The following DNM1L variants were observed in gnomAD, a reference collection of about 807,000 sequenced individuals.
DNM1L encodes dynamin-1-like protein.
Under a neutral mutation model 92.8 loss-of-function variants are expected in DNM1L, and 33 were observed. The ratio of observed to expected loss-of-function variants is 0.36; its 90% CI spans 0.27 to 0.48. DNM1L has a LOEUF of 0.48. Among genes scored for constraint, DNM1L ranks in the 20% least tolerant of loss-of-function variants. The probability of loss-of-function intolerance (pLI) is 0.99; values close to 1 mark genes in which losing one functional copy is unlikely to be tolerated. For missense variants in DNM1L, 485 were observed against 888.8 expected (o/e 0.55, Z 5.78); for synonymous variants, 284 against 305.0 (o/e 0.93, Z 0.72).
intron 9 of DNM1L, among the ~76,000 whole-genome samples, chr12:32,724,667 A>T (rs971244682): frequency 1.4e-5 from 2 of 140,856 alleles, no homozygotes; most frequent in African/African-American, 5.2e-5. Flanking sequence ...TATATATAAA[A>T]AATAATAATA....
intron 9 of DNM1L, chr12:32,727,615 C>G: frequency 4.6e-6 from 2 of 432,212 alleles, no homozygotes; most frequent in East Asian, 4.0e-5. Context: ...GCATCTACAA[C>G]ACATAGATGC....
chr12:32,679,344 G>T lies in DNM1L; in HGVS notation c.-20G>T. 6.3e-7 allele frequency: 1 copy of T among 1,594,544 alleles called. No individual in the cohort carries two copies. The highest frequency in any genetic ancestry group is 8.6e-7 in the Non-Finnish European group (1 of 1,164,092). ...CATTGCCGTGGCCGGCGGGCACTGG[G>T]GCCCCGTGTTTTCAGAGTCATGGAG... On this transcript the variant is annotated 5_prime_UTR_variant, in exon 1 of 20. Coordinates refer to ENST00000549701, the MANE Select transcript of DNM1L (RefSeq NM_012062.5).
intron 9 of DNM1L, among the ~76,000 whole-genome samples, chr12:32,729,531 T>C (rs1420569392): frequency 6.6e-6 from 1 of 152,034 alleles, no homozygotes; most frequent in Non-Finnish European, 1.5e-5. Flanking sequence ...TTTGGGCCAG[T>C]CTCTGCCTCC....
chr12:32,697,609 G>A (rs1475527497), intron 1 of DNM1L, among the ~76,000 whole-genome samples: 3 of 152,140 alleles, frequency 2.0e-5, no homozygotes, highest in Non-Finnish European at 4.4e-5. Flanking sequence ...CACAGCTCTT[G>A]GTGTGGAAGA....
intron 6 of DNM1L, among the ~76,000 whole-genome samples, chr12:32,716,053 T>C (rs1043180503): frequency 1.3e-5 from 2 of 152,170 alleles, no homozygotes; most frequent in Non-Finnish European, 2.9e-5. Context: ...AATGGGACAC[T>C]ACTCTGCAAT....
At chr12:32,714,042 A>G (rs1000824450) in intron 6 of DNM1L, among the ~76,000 whole-genome samples, 7 of 152,158 alleles carry the variant, frequency 4.6e-5, no homozygotes, top group African/African-American at 1.7e-4. Context: ...CATAGTATAT[A>G]TAAAATGCTA....
At chr12:32,736,777 G>A (rs1263943849) in intron 13 of DNM1L, among the ~76,000 whole-genome samples, 15 of 152,156 alleles carry the variant, frequency 9.9e-5, no homozygotes, top group Admixed American at 8.5e-4. Flanking sequence ...TTTATGTGAG[G>A]ACAGTTTACA....
At chr12:32,709,533 T>C (rs1953046678) in intron 4 of DNM1L, 1 of 152,190 alleles carries the variant, frequency 6.6e-6, no homozygotes, top group Non-Finnish European at 1.5e-5. Flanking sequence ...CTAGCAGCTT[T>C]TCATCCACAG....
At chr12:32,706,903 T>G (rs1952949159) in intron 2 of DNM1L, 2 of 297,362 alleles carry the variant, frequency 6.7e-6, no homozygotes, top group South Asian at 6.4e-5. Flanking sequence ...GAGTCATATG[T>G]GTACATCTGT....
At chr12:32,698,210 T>C (rs1952551145) in intron 1 of DNM1L, among the ~76,000 whole-genome samples, 1 of 152,208 alleles carries the variant, frequency 6.6e-6, no homozygotes, top group Non-Finnish European at 1.5e-5. Context: ...CATTTGTGTT[T>C]TCCATCATAG....
At position 32,679,355 on chromosome 12, in the gene DNM1L, T is replaced by G. The variant is rs760304487; in HGVS notation, c.-9T>G. 1 of 1,610,312 alleles carries G rather than the reference T, an allele frequency of 6.2e-7. No individual in the cohort carries two copies. The highest frequency in any genetic ancestry group is 1.1e-5 in the South Asian group (1 of 90,836). ...CCGGCGGGCACTGGGGCCCCGTGTT[T>G]TCAGAGTCATGGAGGCGCTAATTCC... On this transcript the variant is annotated 5_prime_UTR_variant, in exon 1 of 20. Coordinates refer to ENST00000549701, the MANE Select transcript of DNM1L (RefSeq NM_012062.5).
chr12:32,737,056 T>C lies in DNM1L; in HGVS notation c.1540-49T>C, dbSNP rs1565540387. Reference sequence around the variant, plus strand: ...TAACATGAACATTTTTTAGTAGGCATATATCTCAATACTTGGATAATCACT... The same window carrying C: ...TAACATGAACATTTTTTAGTAGGCACATATCTCAATACTTGGATAATCACT... On this transcript the variant is annotated intron_variant, in intron 13 of 19. Coordinates refer to ENST00000549701, the MANE Select transcript of DNM1L (RefSeq NM_012062.5). 5 of 1,602,288 alleles carry C rather than the reference T, an allele frequency of 3.1e-6. No homozygotes were observed. The Admixed American group carries it at 5.0e-5, about 16-fold the overall frequency.
chr12:32,710,625 A>G (rs1400286290), intron 4 of DNM1L, among the ~76,000 whole-genome samples: 1 of 151,944 alleles, frequency 6.6e-6, no homozygotes, highest in Non-Finnish European at 1.5e-5. Context: ...TCTCAAAAAA[A>G]AAAAAAAAAG....
chr12:32,681,691 A>G (rs547281790), intron 1 of DNM1L, among the ~76,000 whole-genome samples: 26 of 148,966 alleles, frequency 1.7e-4, no homozygotes, highest in African/African-American at 5.2e-4. Flanking sequence ...GATGTCTGCC[A>G]TTTTTACTCT....
intron 1 of DNM1L, among the ~76,000 whole-genome samples, chr12:32,689,074 T>TA (rs1952133313): frequency 1.3e-5 from 2 of 152,156 alleles, no homozygotes; most frequent in South Asian, 4.1e-4. Flanking sequence ...CCTGGTCTCT[T>TA]AAGAACAAAA....
At chr12:32,732,088 G>A (rs1163773738) in intron 12 of DNM1L, 145 bp downstream of exon 12, 1 of 658,540 alleles carries the variant, frequency 1.5e-6, no homozygotes, top group Non-Finnish European at 2.6e-6. Context: ...AACAAGTTGA[G>A]TTTCAGTCTC....
chr12:32,707,662 C>T (rs1360331124), intron 3 of DNM1L, among the ~76,000 whole-genome samples: 14 of 151,980 alleles, frequency 9.2e-5, no homozygotes, highest in Admixed American at 8.5e-4. Flanking sequence ...TTGAAAAGTT[C>T]GTAATGGCCA....
Position 32,702,927 on chromosome 12 carries a change from C to G in DNM1L, c.250+1365C>G, listed in dbSNP as rs147667602. Among the ~76,000 whole-genome samples, 158 of 152,212 alleles carry G rather than the reference C, an allele frequency of 1.0e-3. 1 individual carries two copies. Among genetic ancestry groups the G allele is most frequent in the Middle Eastern group, 0.01 (3 of 294 alleles). On this transcript the variant is annotated intron_variant, in intron 2 of 19. Transcript: ENST00000549701. ...TTGAATTTAATCATGTTGGATTAATCTGGGGTTCACCTTCAAATATATAGA... is the reference window on the plus strand; with the variant it reads ...TTGAATTTAATCATGTTGGATTAATGTGGGGTTCACCTTCAAATATATAGA...
chr12:32,725,090 CTTTT>C (rs200381294), intron 9 of DNM1L, among the ~76,000 whole-genome samples: 1 of 140,446 alleles, frequency 7.1e-6, no homozygotes, highest in Admixed American at 7.1e-5. Flanking sequence ...TCTTCTTCTT[CTTTT>C]TTTTTACACT....
Sources: allele counts gnomAD v4.1 joint callset (sites outside exome capture counted in the v4.1 genomes callset), GRCh38; gene constraint gnomAD v4.1.1; transcripts MANE v1.5; gene names NCBI Gene and HGNC (gene_info 2026-07-23, HGNC 2026-07-21).